Variants in FGF18 observed in about 807,000 individuals in gnomAD.
FGF18 encodes fibroblast growth factor 18.
A neutral mutation model predicts 23.0 loss-of-function variants in FGF18; 5 were observed. That is an observed-to-expected ratio of 0.22 (90% CI 0.11 to 0.46). The LOEUF (loss-of-function observed/expected upper bound fraction) is 0.46. FGF18 is among the 20% of genes least tolerant of loss of function. The pLI is 0.99. For synonymous variants in FGF18, 117 were observed against 118.9 expected (o/e 0.98, Z 0.10); for missense variants, 180 against 291.6 (o/e 0.62, Z 2.79).
intron 2 of FGF18, among the ~76,000 whole-genome samples, chr5:171,433,942 T>TTA (rs924855951): frequency 6.6e-6 from 1 of 152,202 alleles, no homozygotes; most frequent in African/African-American, 2.4e-5. Context: ...ATATATTGCT[T>TTA]TATATGTTTA....
In FGF18 at chr5:171,456,890, A is replaced by C; in HGVS notation, c.*85A>C. ...ATCAGAGGAATATTTTTACATGAAAAATAAGGAAGAAGCTCTATTTTTGTA... is the reference window on the plus strand; with the variant it reads ...ATCAGAGGAATATTTTTACATGAAACATAAGGAAGAAGCTCTATTTTTGTA... On this transcript the variant is annotated 3_prime_UTR_variant, in exon 5 of 5. Coordinates refer to ENST00000274625, the MANE Select transcript of FGF18 (RefSeq NM_003862.3). This position sits in a 1 kb window ranked among gnomAD's most constrained non-coding sequence, Gnocchi z 6.1. 6.9e-7 allele frequency: 1 copy of C among 1,459,726 alleles called. No individual in the cohort carries two copies. The highest frequency in any genetic ancestry group is 2.4e-4 in the Middle Eastern group (1 of 4,124). 90.4% of individuals were successfully genotyped at this position (1,459,726 alleles called of 1,614,324 possible). A position where few individuals can be genotyped will look rare whatever the true frequency, so the allele number is the denominator to read the frequency against.
chr5:171,449,355 C>T (rs1772459688), intron 4 of FGF18, 102 bp downstream of exon 4: 5 of 411,394 alleles, frequency 1.2e-5, no homozygotes, highest in South Asian at 8.2e-5. Flanking sequence ...AAATGGAAAA[C>T]AGGCCGTGTG....
At chr5:171,448,756 C>G (rs1246462720) in intron 3 of FGF18, among the ~76,000 whole-genome samples, 2 of 151,902 alleles carry the variant, frequency 1.3e-5, no homozygotes, top group African/African-American at 4.8e-5. Context: ...TTGCACGGTT[C>G]TTTGTCCTGT....
intron 3 of FGF18, among the ~76,000 whole-genome samples, chr5:171,442,190 C>T (rs1444895284): frequency 6.6e-6 from 1 of 152,154 alleles, no homozygotes; most frequent in African/African-American, 2.4e-5. Flanking sequence ...ATTGGTTTTT[C>T]CCCCCAACTT....
At position 171,440,225 on chromosome 5, in the gene FGF18, TG is replaced by T. The variant is rs61100768; in HGVS notation, c.250+3961del. ...ACCTGACCTCCTTACTATGGGTGTGTGGGGGGGGGTGGTGCCATCGCGGGCT... is the reference window on the plus strand; with the variant it reads ...ACCTGACCTCCTTACTATGGGTGTGTGGGGGGGGTGGTGCCATCGCGGGCT... On this transcript the variant is annotated intron_variant, in intron 3 of 4. Coordinates refer to ENST00000274625, the MANE Select transcript of FGF18 (RefSeq NM_003862.3). The surrounding 1 kb of genome is among the most constrained non-coding windows in gnomAD (Gnocchi z 4.0). Among the ~76,000 whole-genome samples, 40,968 of 150,820 alleles carry T rather than the reference TG, an allele frequency of 0.27. 5,989 individuals are homozygous for T. The highest frequency in any genetic ancestry group is 0.39 in the African/African-American group (16,103 of 41,088).
Position 171,457,019 on chromosome 5 carries a change from C to A in FGF18, c.*214C>A, listed in dbSNP as rs1772595607. 4.9e-6 allele frequency: 3 copies of A among 610,804 alleles called. No homozygotes were observed. Among genetic ancestry groups the A allele is most frequent in the African/African-American group, 1.8e-5 (1 of 54,154 alleles). The allele number at this position is 610,804 out of a possible 1,614,324, so 37.8% of individuals were successfully genotyped here. ...AACCCCCGATGACAAAAGACTCACG[C>A]AAAGGGACTGTAGTCAACCCACAGG... On this transcript the variant is annotated 3_prime_UTR_variant, in exon 5 of 5. Coordinates refer to ENST00000274625, the MANE Select transcript of FGF18 (RefSeq NM_003862.3).
At position 171,456,050 on chromosome 5, in the gene FGF18, C is replaced by T. The variant is rs1772575073; in HGVS notation, c.358-489C>T. Reference sequence around the variant, plus strand: ...CCCATGCCCCTTGTACCTGCTGTCTCCTCTCTCTCCTCCTAACAAAGAGTC... The same window carrying T: ...CCCATGCCCCTTGTACCTGCTGTCTTCTCTCTCTCCTCCTAACAAAGAGTC... On this transcript the variant is annotated intron_variant, in intron 4 of 4. Coordinates refer to ENST00000274625, the MANE Select transcript of FGF18 (RefSeq NM_003862.3). The surrounding 1 kb of genome is among the most constrained non-coding windows in gnomAD (Gnocchi z 6.1). Among the ~76,000 whole-genome samples the T allele has an allele frequency of 2.0e-5, 3 of 152,158 alleles. No individual in the cohort carries two copies. The highest frequency in any genetic ancestry group is 6.5e-5 in the Admixed American group (1 of 15,282).
In FGF18 at chr5:171,420,281, A is replaced by G. The variant is rs1340494904; in HGVS notation, c.32+50A>G. The stretch of plus-strand genomic sequence containing the variant: ...CCACCTTGCCTGGCTGTCTGTCCGT[A>G]TGCCTGTGCCCTGTACCTCTGTCTG... On this transcript the variant is annotated intron_variant, in intron 1 of 4. Transcript: ENST00000274625. The G allele has an allele frequency of 4.4e-6, 7 of 1,605,876 alleles. No individual in the cohort carries two copies. In the South Asian group the frequency reaches 7.8e-5, roughly 18 times the overall value.
rs1450390243 is a variant in FGF18 at position 171,434,972 on chromosome 5, C to T, written c.70-1121C>T. ...CAGGAAGGCCTGCTTGAGGAGGTGA[C>T]ATTTGAGCAGAGACCCGAGTGAGCT... On this transcript the variant is annotated intron_variant, in intron 2 of 4. Transcript: ENST00000274625. The surrounding 1 kb of genome is among the most constrained non-coding windows in gnomAD (Gnocchi z 4.6). 6.6e-6 allele frequency among the ~76,000 whole-genome samples: 1 copy of T among 152,066 alleles called. No homozygotes were observed. Among genetic ancestry groups the T allele is most frequent in the Non-Finnish European group, 1.5e-5 (1 of 68,012 alleles).
chr5:171,427,142 G>A (rs2113332125), intron 2 of FGF18, among the ~76,000 whole-genome samples: 1 of 151,950 alleles, frequency 6.6e-6, no homozygotes, highest in East Asian at 1.9e-4. Flanking sequence ...GGGAGACGGA[G>A]GTTGCGGTGA....
Position 171,436,354 on chromosome 5 carries a change from C to T in FGF18, c.250+81C>T. ...CCTCAGAGACCTCAAGTTCAAATGC[C>T]AGCCTTGCTGCTCCTGGCTGTGTGA... On this transcript the variant is annotated intron_variant, in intron 3 of 4. Transcript: ENST00000274625. The surrounding 1 kb of genome is among the most constrained non-coding windows in gnomAD (Gnocchi z 4.4). 8.6e-7 allele frequency: 1 copy of T among 1,165,026 alleles called. No homozygotes were observed. Among genetic ancestry groups the T allele is most frequent in the Non-Finnish European group, 1.1e-6 (1 of 871,698 alleles). The allele number at this position is 1,165,026 out of a possible 1,614,324, so 72.2% of individuals were successfully genotyped here.
Position 171,456,095 on chromosome 5 carries a change from G to A in FGF18, c.358-444G>A, listed in dbSNP as rs1432022583. On this transcript the variant is annotated intron_variant, in intron 4 of 4. Transcript: ENST00000274625. This position sits in a 1 kb window ranked among gnomAD's most constrained non-coding sequence, Gnocchi z 6.1. Reference sequence around the variant, plus strand: ...AGAGTCTTCACTCGGCCAAACTAGAGTCAGGCTCCTGAACCTTCTCTTATG... The same window carrying A: ...AGAGTCTTCACTCGGCCAAACTAGAATCAGGCTCCTGAACCTTCTCTTATG... Among the ~76,000 whole-genome samples the A allele has an allele frequency of 6.6e-6, 1 of 152,204 alleles. No individual in the cohort carries two copies. The highest frequency in any genetic ancestry group is 1.5e-5 in the Non-Finnish European group (1 of 68,042).
intron 2 of FGF18, among the ~76,000 whole-genome samples, chr5:171,427,785 G>A (rs993301774): frequency 6.6e-6 from 1 of 152,168 alleles, no homozygotes. Flanking sequence ...CACGTACTTC[G>A]AGAAGCTCTG....
At chr5:171,449,394 TGTGTGTGAGAGA>T (rs1389283306) in intron 4 of FGF18, 141 bp downstream of exon 4, 7 of 523,402 alleles carry the variant, frequency 1.3e-5, no homozygotes, top group African/African-American at 2.1e-5. Flanking sequence ...TGTGTGTGTG[TGTGTGTGAGAGA>T]GAGAGAGAGA....
At chr5:171,439,046 C>T (rs1007122598) in intron 3 of FGF18, among the ~76,000 whole-genome samples, 3 of 152,118 alleles carry the variant, frequency 2.0e-5, no homozygotes, top group African/African-American at 7.2e-5. Flanking sequence ...TGGATACATC[C>T]CCGTAAACAC....
intron 4 of FGF18, among the ~76,000 whole-genome samples, chr5:171,453,667 G>A (rs1310791362): frequency 6.6e-6 from 1 of 152,184 alleles, no homozygotes; most frequent in African/African-American, 2.4e-5. Context: ...CAGAGCTGAA[G>A]AAGAGGATGA....
At chr5:171,435,989 CG>C (rs2113344063) in intron 2 of FGF18, 103 bp from the exon 3 acceptor site, 1 of 904,196 alleles carries the variant, frequency 1.1e-6, no homozygotes, top group African/African-American at 1.7e-5. Context: ...GGCTCAGAGC[CG>C]GTGTAGAGAA....
intron 2 of FGF18, among the ~76,000 whole-genome samples, chr5:171,429,052 C>T (rs765612469): frequency 1.3e-5 from 2 of 152,144 alleles, no homozygotes; most frequent in African/African-American, 2.4e-5. Context: ...GGGCCCTTTG[C>T]GGCGTCACTG....
chr5:171,433,246 C>T lies in FGF18; in HGVS notation c.70-2847C>T, dbSNP rs542961802. Among the ~76,000 whole-genome samples the T allele has an allele frequency of 4.6e-5, 7 of 152,360 alleles. No individual in the cohort carries two copies. In the East Asian group the frequency reaches 1.3e-3, roughly 29 times the overall value. Reference sequence around the variant, plus strand: ...CCGATAGCCCCTGCTGACCCTGGGTCACCCACACTGCCTCTGTCCAGTGGG... The same window carrying T: ...CCGATAGCCCCTGCTGACCCTGGGTTACCCACACTGCCTCTGTCCAGTGGG... On this transcript the variant is annotated intron_variant, in intron 2 of 4. Coordinates refer to ENST00000274625, the MANE Select transcript of FGF18 (RefSeq NM_003862.3).
Sources: gnomAD v4.1 joint callset for allele counts (sites outside exome capture counted in the v4.1 genomes callset) on GRCh38, gnomAD v4.1.1 for gene constraint, Gnocchi (gnomAD v3.1) non-coding constraint, MANE v1.5 for transcripts, NCBI Gene and HGNC (gene_info 2026-07-23, HGNC 2026-07-21) for gene names.